The following MTMR4 variants were observed in gnomAD, a reference collection of about 807,000 sequenced individuals.
MTMR4 encodes phosphatidylinositol-3,5-bisphosphate 3-phosphatase MTMR4.
A neutral mutation model predicts 125.5 loss-of-function variants in MTMR4; 30 were observed. That is an observed-to-expected ratio of 0.24 (90% CI 0.18 to 0.32). The LOEUF is 0.32. Ranked by LOEUF, MTMR4 falls within the 10% of genes least tolerant of loss-of-function variation. The probability of loss-of-function intolerance (pLI) is 1.00; values close to 1 mark genes in which losing one functional copy is unlikely to be tolerated. For synonymous variants in MTMR4, 498 were observed against 564.5 expected, an observed-to-expected ratio of 0.88 and a Z score of 1.67; for missense variants, 1,039 against 1,511.5, an observed-to-expected ratio of 0.69 and a Z score of 5.18.
chr17:58,506,623 T>C, intron 9 of MTMR4, 120 bp downstream of exon 9: 2 of 1,300,862 alleles, frequency 1.5e-6, no homozygotes, highest in South Asian at 1.5e-5. Context: ...GGTAGCAAAG[T>C]TGTGATTACA....
rs544323919 is a variant in MTMR4, at chr17:58,493,632, G to A, written c.3253-680C>T. On this transcript the variant is annotated intron_variant, in intron 15 of 17. Coordinates refer to ENST00000682306, the MANE Select transcript of MTMR4 (RefSeq NM_001378067.1). Reference sequence around the variant, plus strand: ...GCCTCACAAAGTCCTAAGACTACAGGCGTGAGCCACAGTGCCTGGCTACGG... The same window carrying A: ...GCCTCACAAAGTCCTAAGACTACAGACGTGAGCCACAGTGCCTGGCTACGG... Among the ~76,000 whole-genome samples the A allele has an allele frequency of 5.3e-5, 8 of 152,300 alleles. No homozygotes were observed. In the South Asian group the frequency reaches 1.7e-3, roughly 32 times the overall value.
In MTMR4 at chr17:58,504,562, C is replaced by T; in HGVS notation, c.1342-74G>A. 6.6e-7 allele frequency: 1 copy of T among 1,517,546 alleles called. No individual in the cohort carries two copies. The allele number at this position is 1,517,546 out of a possible 1,614,324, so 94.0% of individuals were successfully genotyped here. A position where few individuals can be genotyped will look rare whatever the true frequency, so the allele number is the denominator to read the frequency against. On this transcript the variant is annotated intron_variant, in intron 11 of 17. Transcript: ENST00000682306. This position sits in a 1 kb window ranked among gnomAD's most constrained non-coding sequence, Gnocchi z 7.1. ...ATGTGCTACTCCCCTGGGAACTGCCCAAAGCAGGAAGCTGGCAGCTTCAAA... is the reference window on the plus strand; with the variant it reads ...ATGTGCTACTCCCCTGGGAACTGCCTAAAGCAGGAAGCTGGCAGCTTCAAA...
Position 58,495,631 on chromosome 17 carries a change from G to A in MTMR4, c.2553C>T (p.Pro851=). The change falls in exon 15 of 18, where the codon CCC becomes CCT. Residue 851 remains proline, a synonymous_variant. Coordinates refer to ENST00000682306, the MANE Select transcript of MTMR4 (RefSeq NM_001378067.1). ...DPSTDFLNQD[P]SGSVASISHQ... ...GGGAGATACTTGCCACAGACCCTGA[G>A]GGATCTTGGTTGAGGAAGTCAGTGC... 1 of 1,614,172 alleles carries A rather than the reference G, an allele frequency of 6.2e-7. No homozygotes were observed. Among genetic ancestry groups the A allele is most frequent in the African/African-American group, 1.3e-5 (1 of 75,038 alleles).
intron 14 of MTMR4, among the ~76,000 whole-genome samples, chr17:58,502,203 G>A (rs1383703541): frequency 6.8e-6 from 1 of 146,970 alleles, no homozygotes; most frequent in African/African-American, 2.5e-5. Flanking sequence ...TATTGCCCAG[G>A]CTGGAGTGCG....
At chr17:58,511,645 T>G in intron 3 of MTMR4, 134 bp from the exon 4 acceptor site, 1 of 679,442 alleles carries the variant, frequency 1.5e-6, no homozygotes, top group Non-Finnish European at 2.5e-6. Context: ...AAGCACCTGG[T>G]AACTGTACGG....
intron 14 of MTMR4, among the ~76,000 whole-genome samples, chr17:58,498,470 G>GTGTT (rs1440221639): frequency 1.4e-5 from 2 of 142,990 alleles, no homozygotes; most frequent in Admixed American, 1.5e-4. Context: ...ATAGAAGAAT[G>GTGTT]TGTTTATGAC....
intron 14 of MTMR4, among the ~76,000 whole-genome samples, chr17:58,500,546 C>T (rs1955475387): frequency 1.3e-5 from 2 of 151,950 alleles, no homozygotes; most frequent in African/African-American, 2.4e-5. Context: ...GTCAAGAGAT[C>T]GAGACCATCC....
At chr17:58,492,109 G>A (rs1165935298) in intron 17 of MTMR4, among the ~76,000 whole-genome samples, 1 of 152,198 alleles carries the variant, frequency 6.6e-6, no homozygotes, top group African/African-American at 2.4e-5. Flanking sequence ...TTTCTATAAA[G>A]AGGTGTCCAC....
chr17:58,507,188 C>G lies in MTMR4; in HGVS notation c.839G>C (p.Arg280Thr). The change falls in exon 8 of 18, where the codon AGG becomes ACG. Residue 280 changes from arginine (R) to threonine (T), a missense_variant. Coordinates refer to ENST00000682306, the MANE Select transcript of MTMR4 (RefSeq NM_001378067.1). The part of the protein sequence containing the change: ...AKACALDPGT[R>T]ATGGSLSTGN... ...GGTGCTGAGGGAGCCCCCAGTGGCC[C>G]TTGTCCCCGGGTCCAGGGCACAGGC... is the stretch of plus-strand genomic sequence containing the variant. The G allele has an allele frequency of 6.2e-7, 1 of 1,614,186 alleles. No individual in the cohort carries two copies. Among genetic ancestry groups the G allele is most frequent in the Non-Finnish European group, 8.5e-7 (1 of 1,180,040 alleles).
chr17:58,507,153 C>G lies in MTMR4; in HGVS notation c.874G>C (p.Asp292His). ...TGGSLSTGNN[D>H]TSEACDADFD... ...TCAGCATCACACGCCTCGCTGGTAT[C>G]ATTATTCCCGGTGCTGAGGGAGCCC... Residue 292 changes from aspartate to histidine, a missense_variant, in exon 8 of 18, where the codon GAT becomes CAT. Coordinates refer to ENST00000682306, the MANE Select transcript of MTMR4 (RefSeq NM_001378067.1). 6.2e-7 allele frequency: 1 copy of G among 1,614,154 alleles called. No individual in the cohort carries two copies. The highest frequency in any genetic ancestry group is 8.5e-7 in the Non-Finnish European group (1 of 1,180,028).
chr17:58,518,201 G>A (rs2042046558), upstream of MTMR4, among the ~76,000 whole-genome samples: 1 of 152,242 alleles, frequency 6.6e-6, no homozygotes, highest in African/African-American at 2.4e-5. Context: ...GCTGGCCACT[G>A]CTCTGGGGAC....
At chr17:58,507,405 G>T in intron 7 of MTMR4, 86 bp from the exon 8 acceptor site, 1 of 1,202,824 alleles carries the variant, frequency 8.3e-7, no homozygotes, top group Non-Finnish European at 1.2e-6. Flanking sequence ...AGTCTCTAGA[G>T]CCAGCAGGGG....
intron 4 of MTMR4, among the ~76,000 whole-genome samples, chr17:58,509,617 T>C (rs986136248): frequency 6.6e-6 from 1 of 151,606 alleles, no homozygotes; most frequent in African/African-American, 2.4e-5. Context: ...ACAGGGTCTC[T>C]CTATGTTGTC....
At chr17:58,496,615 A>G (rs1226569122) in intron 14 of MTMR4, among the ~76,000 whole-genome samples, 1 of 151,944 alleles carries the variant, frequency 6.6e-6, no homozygotes, top group Non-Finnish European at 1.5e-5. Flanking sequence ...GGCAATCTCA[A>G]CCACTACAGT....
chr17:58,502,247 C>G (rs952073088), intron 14 of MTMR4, among the ~76,000 whole-genome samples: 1 of 151,286 alleles, frequency 6.6e-6, no homozygotes, highest in Non-Finnish European at 1.5e-5. Context: ...ATCTCCACCC[C>G]CCCAGATTCA....
chr17:58,496,377 C>A (rs1975468752), intron 14 of MTMR4, 47 bp from the exon 15 acceptor site: 1 of 1,465,828 alleles, frequency 6.8e-7, no homozygotes, highest in South Asian at 1.3e-5. Flanking sequence ...TGGGCACTTG[C>A]AATACAATAT....
chr17:58,495,245 C>T lies in MTMR4; in HGVS notation c.2939G>A (p.Ser980Asn), dbSNP rs778983623. The change falls in exon 15 of 18, where the codon AGT becomes AAT. Residue 980 changes from serine (S) to asparagine (N), a missense_variant. By Grantham distance (46) the Ser-to-Asn change is conservative (BLOSUM62 1). This residue lies in a region of MTMR4 where 619 missense variants were observed against 714.5 expected (regional missense o/e 0.87). Coordinates refer to ENST00000682306, the MANE Select transcript of MTMR4 (RefSeq NM_001378067.1). ...REGVKSPVCS[S>N]HSNGHCTGPG... The stretch of plus-strand genomic sequence containing the variant: ...GCCAGTACAATGTCCATTGGAATGA[C>T]TAGAACAGACAGGTGACTTCACACC... 1.2e-6 allele frequency: 2 copies of T among 1,614,218 alleles called. No individual in the cohort carries two copies. The highest frequency in any genetic ancestry group is 1.7e-5 in the Admixed American group (1 of 60,034).
intron 1 of MTMR4, among the ~76,000 whole-genome samples, chr17:58,513,579 G>C (rs1395467265): frequency 1.3e-5 from 2 of 152,188 alleles, no homozygotes; most frequent in Middle Eastern, 3.4e-3. Context: ...TAATCAGAGG[G>C]GAATTCCTGA....
chr17:58,516,707 C>G, upstream of MTMR4: 1 of 1,124,988 alleles, frequency 8.9e-7, no homozygotes, highest in Non-Finnish European at 1.4e-6. Flanking sequence ...CCCTGACCTT[C>G]TCTACAACTC....
Sources: allele counts gnomAD v4.1 joint callset (sites outside exome capture counted in the v4.1 genomes callset), GRCh38; gene constraint gnomAD v4.1.1; regional missense constraint gnomAD v4.1.1; non-coding constraint Gnocchi (gnomAD v3.1); transcripts MANE v1.5; gene names NCBI Gene and HGNC (gene_info 2026-07-23, HGNC 2026-07-21).